The following TDRD3 variants were observed in gnomAD, a reference collection of about 807,000 sequenced individuals.
The protein encoded by TDRD3 is tudor domain-containing protein 3.
In TDRD3, 45 loss-of-function variants were observed where a neutral mutation model predicts 86.7. That is an observed-to-expected ratio of 0.52 (90% confidence interval 0.41 to 0.67). The LOEUF (loss-of-function observed/expected upper bound fraction) is 0.67, where lower values mean the gene tolerates loss of function less well. Ranked by LOEUF, TDRD3 falls within the 30% of genes least tolerant of loss-of-function variation. TDRD3 has a pLI of 0.00. For missense variants in TDRD3, 814 were observed against 889.0 expected (o/e 0.92, Z 1.07); for synonymous variants, 298 against 301.7 (o/e 0.99, Z 0.13).
At chr13:60,551,595 T>C (rs1354450695) in intron 12 of TDRD3, among the ~76,000 whole-genome samples, 1 of 152,242 alleles carries the variant, frequency 6.6e-6, no homozygotes, top group Non-Finnish European at 1.5e-5. Flanking sequence ...ACTACCCTTT[T>C]CTTTAGACTA....
chr13:60,439,874 C>A (rs1955214881), intron 2 of TDRD3, 102 bp downstream of exon 2: 2 of 670,900 alleles, frequency 3.0e-6, no homozygotes, highest in Non-Finnish European at 4.7e-6. Flanking sequence ...ATATAGAGAA[C>A]ATCTTTCTTA....
chr13:60,396,486 G>C (rs920541198), upstream of TDRD3: 29 of 152,362 alleles, frequency 1.9e-4, no homozygotes, highest in African/African-American at 7.0e-4. Flanking sequence ...CCTCTACAGC[G>C]CGGGCGAAGG....
chr13:60,469,639 G>A (rs374752776), intron 5 of TDRD3, among the ~76,000 whole-genome samples: 1 of 152,100 alleles, frequency 6.6e-6, no homozygotes, highest in African/African-American at 2.4e-5. Flanking sequence ...TGATTTGGTA[G>A]CCACAGCAAT....
At chr13:60,482,781 C>G (rs1956347603) in intron 5 of TDRD3, among the ~76,000 whole-genome samples, 1 of 151,230 alleles carries the variant, frequency 6.6e-6, no homozygotes. Flanking sequence ...ATAAAATATA[C>G]AGTGTTTACA....
At chr13:60,429,515 A>C (rs570085053) in intron 1 of TDRD3, among the ~76,000 whole-genome samples, 1 of 152,206 alleles carries the variant, frequency 6.6e-6, no homozygotes, top group Non-Finnish European at 1.5e-5. Flanking sequence ...TTGAACAAAA[A>C]CAATAGCAGT....
rs1019794418 is a variant in TDRD3 at position 60,402,258 on chromosome 13, C to G, written c.41+4853C>G. On this transcript the variant is annotated intron_variant, in intron 1 of 13. Transcript: ENST00000377881. The stretch of plus-strand genomic sequence containing the variant: ...GTTTTCTTAGAGACACACCTTTTTT[C>G]CAGGAGATTGCTGGTGAATGATCTC... Among the ~76,000 whole-genome samples the G allele has an allele frequency of 5.9e-5, 9 of 152,120 alleles. 1 individual carries two copies. Among genetic ancestry groups the G allele is most frequent in the African/African-American group, 2.2e-4 (9 of 41,440 alleles).
At chr13:60,551,667 C>T (rs565941015) in intron 12 of TDRD3, among the ~76,000 whole-genome samples, 3 of 152,068 alleles carry the variant, frequency 2.0e-5, no homozygotes, top group East Asian at 1.9e-4. Context: ...TGTATTAGTC[C>T]GTTTTCACAC....
chr13:60,401,469 A>G (rs114483781), intron 1 of TDRD3, among the ~76,000 whole-genome samples: 1 of 152,280 alleles, frequency 6.6e-6, no homozygotes, highest in African/African-American at 2.4e-5. Flanking sequence ...CCTGGGACCA[A>G]TCCCTTATGG....
intron 1 of TDRD3, among the ~76,000 whole-genome samples, chr13:60,419,544 C>T (rs1954605469): frequency 6.6e-6 from 1 of 152,060 alleles, no homozygotes; most frequent in Admixed American, 6.6e-5. Flanking sequence ...AAAAACCAAA[C>T]ACCATGTGTT....
intron 10 of TDRD3, among the ~76,000 whole-genome samples, chr13:60,525,490 A>G (rs185132232): frequency 6.6e-6 from 1 of 152,056 alleles, no homozygotes; most frequent in African/African-American, 2.4e-5. Context: ...TCTTATTTTT[A>G]AAAAATAATT....
intron 1 of TDRD3, among the ~76,000 whole-genome samples, chr13:60,419,936 C>G (rs2137865048): frequency 6.6e-6 from 1 of 151,078 alleles, no homozygotes; most frequent in Non-Finnish European, 1.5e-5. Flanking sequence ...AATGTTTTTC[C>G]TATAAGTAAA....
chr13:60,513,848 A>C (rs1257321452), intron 10 of TDRD3, among the ~76,000 whole-genome samples: 1 of 152,252 alleles, frequency 6.6e-6, no homozygotes, highest in East Asian at 1.9e-4. Context: ...TTTCCTGTAT[A>C]AATTACCCAG....
intron 1 of TDRD3, among the ~76,000 whole-genome samples, chr13:60,422,463 C>T (rs1036600940): frequency 7.2e-5 from 11 of 152,010 alleles, no homozygotes; most frequent in African/African-American, 2.2e-4. Flanking sequence ...CCAAAACAAC[C>T]GTGAACTATA....
rs1166124884 is a variant in TDRD3, at chr13:60,524,353, A to C, written c.1142-4014A>C. ...GAAACCCCGTCTCTACTAAAAATAC[A>C]AAAATTAGCCGGGCGTGGTGGTCTG... On this transcript the variant is annotated intron_variant, in intron 10 of 13. Coordinates refer to ENST00000377881, the MANE Select transcript of TDRD3 (RefSeq NM_001146070.2). Among the ~76,000 whole-genome samples, 6 of 151,902 alleles carry C rather than the reference A, an allele frequency of 3.9e-5. No homozygotes were observed. The East Asian group carries it at 1.2e-3, about 29-fold the overall frequency.
chr13:60,530,373 TG>T (rs762535865), intron 11 of TDRD3, among the ~76,000 whole-genome samples: 117 of 152,250 alleles, frequency 7.7e-4, no homozygotes, highest in Non-Finnish European at 1.5e-3. Flanking sequence ...TAAAAACGTA[TG>T]TAAGGGAGTT....
chr13:60,491,182 A>G (rs142600061), intron 7 of TDRD3, among the ~76,000 whole-genome samples: 1,688 of 151,806 alleles, frequency 0.011, 40 homozygotes, highest in African/African-American at 0.039. Context: ...GGCAGGTTAG[A>G]GTTGCTTGCC....
At chr13:60,543,864 TC>T (rs1817509124) in intron 12 of TDRD3, among the ~76,000 whole-genome samples, 1 of 152,044 alleles carries the variant, frequency 6.6e-6, no homozygotes, top group Admixed American at 6.6e-5. Context: ...AACTCACTGA[TC>T]TTTTAATTTT....
intron 10 of TDRD3, among the ~76,000 whole-genome samples, chr13:60,514,101 T>C (rs554506349): frequency 3.9e-5 from 6 of 152,210 alleles, no homozygotes; most frequent in African/African-American, 1.4e-4. Context: ...ATATGGACAA[T>C]GAAATCCAGG....
intron 1 of TDRD3, among the ~76,000 whole-genome samples, chr13:60,411,348 A>G (rs576972596): frequency 6.6e-6 from 1 of 152,346 alleles, no homozygotes; most frequent in South Asian, 2.1e-4. Flanking sequence ...AATACATGAC[A>G]GAAATTATGG....
Sources: gnomAD v4.1 joint callset for allele counts (sites outside exome capture counted in the v4.1 genomes callset) on GRCh38, gnomAD v4.1.1 for gene constraint, MANE v1.5 for transcripts, NCBI Gene and HGNC (gene_info 2026-07-23, HGNC 2026-07-21) for gene names.